Variants in ZNF316 observed in about 807,000 individuals in gnomAD.
The protein encoded by ZNF316 is zinc finger protein 316.
ZNF316 carries 23 observed loss-of-function variants against 75.6 expected under a neutral mutation model. That is an observed-to-expected ratio of 0.30 (90% confidence interval 0.22 to 0.43). The LOEUF is 0.43. Ranked by LOEUF, ZNF316 falls within the 20% of genes least tolerant of loss-of-function variation. The pLI is 1.00. For synonymous variants in ZNF316, 827 were observed against 666.2 expected, an observed-to-expected ratio of 1.24 and a Z score of -3.72; for missense variants, 1,266 against 1,409.4, an observed-to-expected ratio of 0.90 and a Z score of 1.63.
At chr7:6,651,402 C>T (rs1170738543) in intron 8 of ZNF316, among the ~76,000 whole-genome samples, 1 of 151,998 alleles carries the variant, frequency 6.6e-6, no homozygotes, top group Non-Finnish European at 1.5e-5. Flanking sequence ...CGCCTGTAAT[C>T]CCAGCACTTT....
chr7:6,648,642 A>G (rs980984802), intron 8 of ZNF316, among the ~76,000 whole-genome samples: 15 of 152,206 alleles, frequency 9.9e-5, no homozygotes, highest in African/African-American at 2.9e-4. Flanking sequence ...GCCTTGCCCA[A>G]GGTCCTATGG....
In ZNF316 at chr7:6,653,103, C is replaced by T. The variant is rs1356966228; in HGVS notation, c.1507C>T (p.His503Tyr). The stretch of plus-strand genomic sequence containing the variant: ...CCGCCTGCGCGCCGACTTCCAGCGC[C>T]ACCGACGCGGCGGGGGCTGCGCGGA... ...AFRLRADFQR[H>Y]RRGGGCAEAG... The change falls in exon 9 of 9, where the codon CAC (histidine) becomes TAC (tyrosine). Residue 503 changes from histidine (H) to tyrosine (Y), a missense_variant. Coordinates refer to ENST00000382252, the MANE Select transcript of ZNF316 (RefSeq NM_001278559.2). The T allele has an allele frequency of 1.7e-6, 2 of 1,177,186 alleles. No homozygotes were observed. Among genetic ancestry groups the T allele is most frequent in the Non-Finnish European group, 2.1e-6 (2 of 953,806 alleles). The allele number at this position is 1,177,186 out of a possible 1,614,324, so 72.9% of individuals were successfully genotyped here.
rs1183283425 is a variant in ZNF316, at chr7:6,640,192, C to T, written c.-167+1051C>T. Among the ~76,000 whole-genome samples the T allele has an allele frequency of 2.0e-5, 3 of 152,124 alleles. No homozygotes were observed. The highest frequency in any genetic ancestry group is 1.9e-4 in the East Asian group (1 of 5,190). On this transcript the variant is annotated intron_variant, in intron 3 of 8. Coordinates refer to ENST00000382252, the MANE Select transcript of ZNF316 (RefSeq NM_001278559.2). This position sits in a 1 kb window ranked among gnomAD's most constrained non-coding sequence, Gnocchi z 5.1. Reference sequence around the variant, plus strand: ...CTCAAAGCAGTTCAGGAAATGAGTACGCGCGGCTGCTATGGTTTGGGTGTT... The same window carrying T: ...CTCAAAGCAGTTCAGGAAATGAGTATGCGCGGCTGCTATGGTTTGGGTGTT...
chr7:6,648,683 C>A (rs759077080), intron 8 of ZNF316, among the ~76,000 whole-genome samples: 29 of 152,158 alleles, frequency 1.9e-4, no homozygotes, highest in Non-Finnish European at 3.5e-4. Context: ...AATTCACACC[C>A]AGACAGAGCC....
intron 8 of ZNF316, among the ~76,000 whole-genome samples, chr7:6,647,413 C>T (rs1779425522): frequency 6.6e-6 from 1 of 152,240 alleles, no homozygotes; most frequent in Admixed American, 6.5e-5. Context: ...GCTGCTAATG[C>T]CTATGGACTT....
intron 8 of ZNF316, among the ~76,000 whole-genome samples, chr7:6,646,528 G>C (rs1779406801): frequency 6.6e-6 from 1 of 152,228 alleles, no homozygotes; most frequent in Admixed American, 6.5e-5. Flanking sequence ...GCTGGGGTTT[G>C]AGAGCTACCT....
At position 6,642,812 on chromosome 7, in the gene ZNF316, G is replaced by GGGCCA. The variant is rs1779334337; in HGVS notation, c.355+56_355+60dup. 19 of 1,232,490 alleles carry GGGCCA rather than the reference G, an allele frequency of 1.5e-5. No individual in the cohort carries two copies. The highest frequency in any genetic ancestry group is 1.9e-5 in the Non-Finnish European group (19 of 988,182). The allele number at this position is 1,232,490 out of a possible 1,614,324, so 76.3% of individuals were successfully genotyped here. ...GGGAGGAGATGAAGGGGGCTGAGGT[G>GGGCCA]GGCCAGGCCAGGGACCTGGTCAAGC... On this transcript the variant is annotated intron_variant, in intron 5 of 8. Transcript: ENST00000382252. The surrounding 1 kb of genome is among the most constrained non-coding windows in gnomAD (Gnocchi z 8.1).
intron 8 of ZNF316, among the ~76,000 whole-genome samples, chr7:6,648,985 T>C (rs1779458398): frequency 6.6e-6 from 1 of 152,106 alleles, no homozygotes; most frequent in Non-Finnish European, 1.5e-5. Context: ...GCCCTGAGCC[T>C]TTCATTCATT....
At position 6,644,562 on chromosome 7, in the gene ZNF316, G is replaced by A. The variant is rs1213923486; in HGVS notation, c.675G>A (p.Glu225=). ...EPWVPDSPRP[E]EGDIVTGVYT... ...GGGTCCCAGATAGTCCCCGACCTGA[G>A]GAAGGAGACATCGTCACTGGCGTCT... is the stretch of plus-strand genomic sequence containing the variant. The change falls in exon 8 of 9, where the codon GAG becomes GAA. Residue 225 remains glutamate, a synonymous_variant. Transcript: ENST00000382252. 3.2e-6 allele frequency: 4 copies of A among 1,232,192 alleles called. No homozygotes were observed. Among genetic ancestry groups the A allele is most frequent in the Non-Finnish European group, 3.0e-6 (3 of 988,026 alleles). The allele number at this position is 1,232,192 out of a possible 1,614,324, so 76.3% of individuals were successfully genotyped here.
chr7:6,644,668 G>A (rs1319096388), intron 8 of ZNF316, 75 bp downstream of exon 8: 10 of 772,028 alleles, frequency 1.3e-5, no homozygotes, highest in South Asian at 1.3e-4. Flanking sequence ...CCTTCACTGC[G>A]CTCTCTGCAG....
chr7:6,643,732 C>A, intron 6 of ZNF316, 90 bp from the exon 7 acceptor site: 1 of 1,165,648 alleles, frequency 8.6e-7, no homozygotes, highest in Non-Finnish European at 1.1e-6. Flanking sequence ...TCCCCTGACA[C>A]CCATGCTGGA....
chr7:6,640,660 C>T lies in ZNF316; in HGVS notation c.-166-1165C>T, dbSNP rs181347574. On this transcript the variant is annotated intron_variant, in intron 3 of 8. Coordinates refer to ENST00000382252, the MANE Select transcript of ZNF316 (RefSeq NM_001278559.2). This position sits in a 1 kb window ranked among gnomAD's most constrained non-coding sequence, Gnocchi z 5.1. ...CTCCATCAGTCCCCTTCCAGTCTCA[C>T]GCTGAAGCATGATTTCCAGTGCTGG... Among the ~76,000 whole-genome samples the T allele has an allele frequency of 3.3e-5, 5 of 152,296 alleles. No individual in the cohort carries two copies. Among genetic ancestry groups the T allele is most frequent in the East Asian group, 3.9e-4 (2 of 5,158 alleles).
intron 8 of ZNF316, among the ~76,000 whole-genome samples, chr7:6,649,999 T>G (rs1005266783): frequency 1.3e-5 from 2 of 152,240 alleles, no homozygotes; most frequent in Non-Finnish European, 2.9e-5. Flanking sequence ...TCCAGTTCTT[T>G]GAGGCTTATT....
rs1779586153 is a variant in ZNF316, at chr7:6,654,676, C to G, written c.*65C>G. 2 of 1,137,420 alleles carry G rather than the reference C, an allele frequency of 1.8e-6. No homozygotes were observed. The highest frequency in any genetic ancestry group is 2.2e-6 in the Non-Finnish European group (2 of 924,720). The allele number at this position is 1,137,420 out of a possible 1,614,324, so 70.5% of individuals were successfully genotyped here. On this transcript the variant is annotated 3_prime_UTR_variant, in exon 9 of 9. Coordinates refer to ENST00000382252, the MANE Select transcript of ZNF316 (RefSeq NM_001278559.2). ...CGGCCCCTCCCTTGGACGGCCGGCC[C>G]CCCGCTCCTCGGGCCCCGGGAGGCT...
Position 6,640,180 on chromosome 7 carries a change from A to T in ZNF316, c.-167+1039A>T, listed in dbSNP as rs1325997859. ...TTAAAGCAACTGCTCAAAGCAGTTC[A>T]GGAAATGAGTACGCGCGGCTGCTAT... On this transcript the variant is annotated intron_variant, in intron 3 of 8. Coordinates refer to ENST00000382252, the MANE Select transcript of ZNF316 (RefSeq NM_001278559.2). The surrounding 1 kb of genome is among the most constrained non-coding windows in gnomAD (Gnocchi z 5.1). Among the ~76,000 whole-genome samples, 2 of 152,218 alleles carry T rather than the reference A, an allele frequency of 1.3e-5. No homozygotes were observed. Among genetic ancestry groups the T allele is most frequent in the African/African-American group, 4.8e-5 (2 of 41,448 alleles).
Position 6,657,340 on chromosome 7 carries a change from C to T in ZNF316, c.*2729C>T, listed in dbSNP as rs916841252. Among the ~76,000 whole-genome samples, 3 of 131,852 alleles carry T rather than the reference C, an allele frequency of 2.3e-5. No homozygotes were observed. The highest frequency in any genetic ancestry group is 8.7e-5 in the African/African-American group (3 of 34,676). 86.5% of individuals were successfully genotyped at this position (131,852 alleles called of 152,430 possible). A position where few individuals can be genotyped will look rare whatever the true frequency, so the allele number is the denominator to read the frequency against. ...AAAAAAAAAAAAAAAAAAAAAAAAG[C>T]CGGGCATAGTGGTATGCATCTGTAG... On this transcript the variant is annotated 3_prime_UTR_variant, in exon 9 of 9. Transcript: ENST00000382252.
At chr7:6,644,949 G>A (rs778980847) in intron 8 of ZNF316, among the ~76,000 whole-genome samples, 28 of 152,334 alleles carry the variant, frequency 1.8e-4, no homozygotes, top group Middle Eastern at 6.8e-3. Flanking sequence ...AGTGCTAGCC[G>A]TTCCTCCTGC....
At position 6,657,761 on chromosome 7, in the gene ZNF316, A is replaced by G. The variant is rs561505027; in HGVS notation, c.*3150A>G. On this transcript the variant is annotated 3_prime_UTR_variant, in exon 9 of 9. Transcript: ENST00000382252. ...ACTCTGGAGGCTGAGCCTGGGAGGCAGAGGCTGCAGTGAACTATGATTTTT... is the reference window on the plus strand; with the variant it reads ...ACTCTGGAGGCTGAGCCTGGGAGGCGGAGGCTGCAGTGAACTATGATTTTT... Among the ~76,000 whole-genome samples the G allele has an allele frequency of 6.9e-4, 100 of 144,518 alleles. 1 individual carries two copies. In the Middle Eastern group the frequency reaches 0.014, roughly 21 times the overall value. 94.8% of individuals were successfully genotyped at this position (144,518 alleles called of 152,430 possible).
Position 6,653,868 on chromosome 7 carries a change from CGCGGCTCGCACTTG to C in ZNF316, c.2278_2291del (p.Ser760AlafsTer127). On this transcript the variant is annotated frameshift_variant, in exon 9 of 9. Transcript: ENST00000382252. LOFTEE classifies it high-confidence loss of function. ...CCCCGAGTGCGGCGCGCGGTTCGCC[CGCGGCTCGCACTTG>C]GCGGCGCACGTGCGCGGCCACACGG... 1 of 1,088,440 alleles carries C rather than the reference CGCGGCTCGCACTTG, an allele frequency of 9.2e-7. No homozygotes were observed. The highest frequency in any genetic ancestry group is 1.1e-6 in the Non-Finnish European group (1 of 895,434). The allele number at this position is 1,088,440 out of a possible 1,614,324, so 67.4% of individuals were successfully genotyped here.
Sources: allele counts gnomAD v4.1 joint callset (sites outside exome capture counted in the v4.1 genomes callset), GRCh38; gene constraint gnomAD v4.1.1; non-coding constraint Gnocchi (gnomAD v3.1); transcripts MANE v1.5; gene names NCBI Gene and HGNC (gene_info 2026-07-23, HGNC 2026-07-21).